The following AKAP19 variants were observed in gnomAD, a reference collection of about 807,000 sequenced individuals.
AKAP19 encodes the protein small A-kinase anchoring protein.
chr2:189,993,897 CTT>C, the AKAP19 span, among the ~76,000 whole-genome samples: 19 of 152,126 alleles, frequency 1.2e-4, no homozygotes, highest in Admixed American at 2.6e-4. Context: ...GATCTTCTCT[CTT>C]CTTGATTAAT....
At chr2:190,086,918 G>C in the AKAP19 span, among the ~76,000 whole-genome samples, 2 of 152,212 alleles carry the variant, frequency 1.3e-5, no homozygotes, top group Admixed American at 6.5e-5. Flanking sequence ...CAAAGTGGCT[G>C]ATGTGGCAGT....
chr2:190,165,197 G>A, the AKAP19 span, among the ~76,000 whole-genome samples: 2 of 152,114 alleles, frequency 1.3e-5, no homozygotes, highest in Non-Finnish European at 2.9e-5. Flanking sequence ...AGCACTTTGG[G>A]AGGCTGAGGC....
At chr2:190,124,773 T>C in the AKAP19 span, among the ~76,000 whole-genome samples, 6 of 152,308 alleles carry the variant, frequency 3.9e-5, no homozygotes, top group East Asian at 9.6e-4. Context: ...TACCCTTTTG[T>C]AATAATTCTT....
chr2:189,945,264 G>A, the AKAP19 span, among the ~76,000 whole-genome samples: 1 of 152,136 alleles, frequency 6.6e-6, no homozygotes, highest in African/African-American at 2.4e-5. Context: ...AAATGTAACT[G>A]AGACCAAAAC....
the AKAP19 span, among the ~76,000 whole-genome samples, chr2:189,969,079 A>G: frequency 8.5e-5 from 13 of 152,330 alleles, no homozygotes; most frequent in South Asian, 2.5e-3. Context: ...CAAATATACC[A>G]TAAAAGCAGT....
At chr2:190,173,886 G>A in the AKAP19 span, among the ~76,000 whole-genome samples, 1 of 152,138 alleles carries the variant, frequency 6.6e-6, no homozygotes, top group Non-Finnish European at 1.5e-5. Flanking sequence ...CCATCTTAAA[G>A]TCTGACTTTC....
At chr2:189,930,687 AAAAAG>A in the AKAP19 span, 13 of 489,304 alleles carry the variant, frequency 2.7e-5, no homozygotes, top group Admixed American at 3.4e-4. Context: ...AAAAAAAAAA[AAAAAG>A]AAATTGAATT....
chr2:190,112,182 T>C, the AKAP19 span, among the ~76,000 whole-genome samples: 1 of 152,260 alleles, frequency 6.6e-6, no homozygotes, highest in African/African-American at 2.4e-5. Flanking sequence ...CACTTCTGCA[T>C]GAGAACGTGG....
At chr2:190,014,870 A>G in the AKAP19 span, among the ~76,000 whole-genome samples, 1 of 152,194 alleles carries the variant, frequency 6.6e-6, no homozygotes. Flanking sequence ...CCAGCAGGGC[A>G]GTCATTACAT....
At chr2:189,954,777 C>T in the AKAP19 span, among the ~76,000 whole-genome samples, 2 of 152,118 alleles carry the variant, frequency 1.3e-5, no homozygotes, top group Non-Finnish European at 2.9e-5. Flanking sequence ...TTCTGATATT[C>T]ATTTATCAGC....
the AKAP19 span, among the ~76,000 whole-genome samples, chr2:189,944,483 A>G: frequency 6.6e-6 from 1 of 152,158 alleles, no homozygotes; most frequent in Non-Finnish European, 1.5e-5. Context: ...TTTGTAAATT[A>G]TCCCACCTCG....
the AKAP19 span, among the ~76,000 whole-genome samples, chr2:189,953,375 C>T: frequency 6.6e-6 from 1 of 152,016 alleles, no homozygotes; most frequent in Admixed American, 6.5e-5. Context: ...GTGGCTCACA[C>T]CTGTAATCCC....
chr2:190,057,297 T>C, the AKAP19 span: 1 of 1,613,420 alleles, frequency 6.2e-7, no homozygotes, highest in Non-Finnish European at 8.5e-7. Flanking sequence ...TCGCTGGAAT[T>C]TTCCCATATA....
the AKAP19 span, among the ~76,000 whole-genome samples, chr2:190,003,871 GA>G: frequency 1.8e-4 from 26 of 146,154 alleles, no homozygotes; most frequent in Admixed American, 9.5e-4. Flanking sequence ...TGTATAAAGA[GA>G]AAAAAAAAAG....
the AKAP19 span, among the ~76,000 whole-genome samples, chr2:189,905,830 T>C: frequency 1.3e-5 from 2 of 152,054 alleles, no homozygotes; most frequent in African/African-American, 4.8e-5. Context: ...GGGAAGTCTT[T>C]AGGCAAGAAG....
chr2:189,954,880 G>T, the AKAP19 span, among the ~76,000 whole-genome samples: 1 of 152,084 alleles, frequency 6.6e-6, no homozygotes, highest in Non-Finnish European at 1.5e-5. Context: ...ATATTTACAT[G>T]CCCAATATCT....
chr2:190,186,802 T>C, the AKAP19 span, among the ~76,000 whole-genome samples: 1 of 152,200 alleles, frequency 6.6e-6, no homozygotes, highest in Non-Finnish European at 1.5e-5. This position sits in a 1 kb window ranked among gnomAD's most constrained non-coding sequence, Gnocchi z 5.5. Flanking sequence ...ATGACAAATA[T>C]GTTACTAGGA....
the AKAP19 span, among the ~76,000 whole-genome samples, chr2:189,991,999 T>C: frequency 6.6e-6 from 1 of 152,092 alleles, no homozygotes; most frequent in Non-Finnish European, 1.5e-5. Flanking sequence ...TGAAGATCAA[T>C]TGGCTGAGTC....
chr2:189,981,519 C>G, the AKAP19 span, among the ~76,000 whole-genome samples: 2 of 152,126 alleles, frequency 1.3e-5, no homozygotes. Flanking sequence ...TTAATATTTA[C>G]ATGTGAGGTT....
Sources: allele counts gnomAD v4.1 joint callset (sites outside exome capture counted in the v4.1 genomes callset), GRCh38; gene constraint gnomAD v4.1.1; non-coding constraint Gnocchi (gnomAD v3.1); transcripts MANE v1.5; gene names NCBI Gene and HGNC (gene_info 2026-07-23, HGNC 2026-07-21).